Variants in SLIT2 observed in about 807,000 individuals in gnomAD.
The protein encoded by SLIT2 is slit guidance ligand 2.
In SLIT2, 41 loss-of-function variants were observed where a neutral mutation model predicts 185.7. That is an observed-to-expected ratio of 0.22 (90% CI 0.17 to 0.29). The LOEUF (loss-of-function observed/expected upper bound fraction) is 0.29, where lower values mean the gene tolerates loss of function less well. SLIT2 is among the 10% of genes least tolerant of loss of function. SLIT2 has a pLI of 1.00. For synonymous variants in SLIT2, 693 were observed against 680.2 expected (o/e 1.02, Z -0.29); for missense variants, 1,571 against 1,909.0 (o/e 0.82, Z 3.30).
At chr4:20,277,081 A>G (rs1220576631) in intron 4 of SLIT2, among the ~76,000 whole-genome samples, 1 of 152,138 alleles carries the variant, frequency 6.6e-6, no homozygotes, top group Admixed American at 6.6e-5. Context: ...GTGTTGTGGG[A>G]ACTTGGTTCA....
At chr4:20,586,975 G>GT (rs1727115260) in intron 29 of SLIT2, among the ~76,000 whole-genome samples, 1 of 151,920 alleles carries the variant, frequency 6.6e-6, no homozygotes, top group African/African-American at 2.4e-5. Flanking sequence ...TGCAGAAAAT[G>GT]TTTTTGTAAT....
intron 4 of SLIT2, among the ~76,000 whole-genome samples, chr4:20,338,907 C>T (rs1439930602): frequency 2.0e-5 from 3 of 151,642 alleles, no homozygotes; most frequent in Non-Finnish European, 2.9e-5. Flanking sequence ...GCCTGGGAAA[C>T]AGAGAGAGAT....
chr4:20,257,633 C>T (rs1206963102), intron 2 of SLIT2, among the ~76,000 whole-genome samples: 1 of 152,058 alleles, frequency 6.6e-6, no homozygotes, highest in Non-Finnish European at 1.5e-5. Context: ...AGAGTTTTGA[C>T]CAGTAAATCT....
intron 4 of SLIT2, among the ~76,000 whole-genome samples, chr4:20,456,710 GT>G (rs1474190726): frequency 6.6e-6 from 1 of 152,008 alleles, no homozygotes; most frequent in Non-Finnish European, 1.5e-5. Flanking sequence ...TTATTTCCTG[GT>G]TAGTATCCAT....
chr4:20,361,773 T>A (rs1722761921), intron 4 of SLIT2, among the ~76,000 whole-genome samples: 1 of 151,700 alleles, frequency 6.6e-6, no homozygotes, highest in Non-Finnish European at 1.5e-5. Flanking sequence ...TCTAAGTATA[T>A]TTTATTTTTA....
At chr4:20,600,161 T>A (rs554960519) in intron 33 of SLIT2, among the ~76,000 whole-genome samples, 66 of 152,264 alleles carry the variant, frequency 4.3e-4, no homozygotes, top group Middle Eastern at 3.4e-3. Flanking sequence ...AATTTTTTTT[T>A]AATTTATTTT....
chr4:20,286,808 A>G (rs1468585411), intron 4 of SLIT2, among the ~76,000 whole-genome samples: 1 of 152,214 alleles, frequency 6.6e-6, no homozygotes, highest in Non-Finnish European at 1.5e-5. Context: ...TCTCTAAGTA[A>G]ATAAATATAG....
chr4:20,421,285 T>G (rs1217048178), intron 4 of SLIT2, among the ~76,000 whole-genome samples: 1 of 152,186 alleles, frequency 6.6e-6, no homozygotes, highest in Non-Finnish European at 1.5e-5. Context: ...TGAAAGTGAC[T>G]TTAGTCTGAT....
At chr4:20,486,491 T>TA (rs534832210) in intron 7 of SLIT2, among the ~76,000 whole-genome samples, 19 of 150,960 alleles carry the variant, frequency 1.3e-4, no homozygotes, top group East Asian at 7.8e-4. Flanking sequence ...ACTTTGGAGT[T>TA]AAAAAAAAAC....
At chr4:20,586,859 G>A (rs953232247) in intron 29 of SLIT2, among the ~76,000 whole-genome samples, 11 of 152,206 alleles carry the variant, frequency 7.2e-5, no homozygotes, top group African/African-American at 2.2e-4. Flanking sequence ...GAAACCATTA[G>A]CCCTGGCATG....
rs1560323090 is a variant in SLIT2 at position 20,330,200 on chromosome 4, T to G, written c.395+61319T>G. 2.6e-5 allele frequency among the ~76,000 whole-genome samples: 4 copies of G among 152,102 alleles called. No individual in the cohort carries two copies. In the South Asian group the frequency reaches 6.2e-4, roughly 24 times the overall value. On this transcript the variant is annotated intron_variant, in intron 4 of 36. Transcript: ENST00000504154. ...GGTTTTTTTTCTTTATCAACTGGTA[T>G]GTAGATTTTTCTTTTCAACTAGTTT...
chr4:20,441,628 A>G (rs1377153859), intron 4 of SLIT2, among the ~76,000 whole-genome samples: 1 of 151,724 alleles, frequency 6.6e-6, no homozygotes, highest in Non-Finnish European at 1.5e-5. Flanking sequence ...ACATACCCAT[A>G]GTCAGCACCC....
rs1727345076 is a variant in SLIT2 at position 20,589,673 on chromosome 4, T to A, written c.3118T>A (p.Cys1040Ser). ...GTTGTGTGAGGAGAAGCTGGACTTCTGTGCCCAGGACCTGAACCCCTGCCA... is the reference window on the plus strand; with the variant it reads ...GTTGTGTGAGGAGAAGCTGGACTTCAGTGCCCAGGACCTGAACCCCTGCCA... ...GELCEEKLDF[C>S]AQDLNPCQHD... The change falls in exon 30 of 37, where the codon TGT becomes AGT. Residue 1040 changes from cysteine (C) to serine (S), a missense_variant. Cys to Ser is a moderately radical substitution (Grantham distance 112). Around this residue, in one of 3 missense-constraint regions of SLIT2, gnomAD observed 1,202 missense variants for 1,416.4 expected, o/e 0.85. Coordinates refer to ENST00000504154, the MANE Select transcript of SLIT2 (RefSeq NM_004787.4). 6.2e-7 allele frequency: 1 copy of A among 1,614,028 alleles called. No homozygotes were observed. Among genetic ancestry groups the A allele is most frequent in the Non-Finnish European group, 8.5e-7 (1 of 1,179,964 alleles).
intron 5 of SLIT2, among the ~76,000 whole-genome samples, chr4:20,473,693 C>T (rs565761858): frequency 1.3e-5 from 2 of 152,110 alleles, no homozygotes; most frequent in Non-Finnish European, 2.9e-5. Flanking sequence ...CATATTTCAT[C>T]ATATTTTTAA....
At chr4:20,319,534 TA>T (rs1718872893) in intron 4 of SLIT2, among the ~76,000 whole-genome samples, 1 of 152,134 alleles carries the variant, frequency 6.6e-6, no homozygotes, top group Non-Finnish European at 1.5e-5. Context: ...AGTGTAACAA[TA>T]ATAGCACTTG....
chr4:20,462,496 T>C (rs1190315923), intron 4 of SLIT2, among the ~76,000 whole-genome samples: 1 of 152,174 alleles, frequency 6.6e-6, no homozygotes, highest in Non-Finnish European at 1.5e-5. Context: ...AAGTTCTCCC[T>C]GAGATGACCC....
chr4:20,589,847 G>GA (rs1727358927), intron 30 of SLIT2, 110 bp downstream of exon 30: 6 of 682,398 alleles, frequency 8.8e-6, no homozygotes, highest in Admixed American at 4.9e-5. Context: ...GGATTAAAGG[G>GA]ACCTATTCAC....
chr4:20,350,335 A>G (rs1390830707), intron 4 of SLIT2, among the ~76,000 whole-genome samples: 2 of 151,936 alleles, frequency 1.3e-5, no homozygotes, highest in African/African-American at 4.8e-5. Context: ...ACCCAATTTT[A>G]AAAATAACTT....
At chr4:20,562,892 T>C (rs1724809754) in intron 26 of SLIT2, among the ~76,000 whole-genome samples, 3 of 151,862 alleles carry the variant, frequency 2.0e-5, no homozygotes, top group Admixed American at 1.3e-4. Flanking sequence ...TTGACCCATG[T>C]TTCCAAGGGA....
Sources: allele counts gnomAD v4.1 joint callset (sites outside exome capture counted in the v4.1 genomes callset), GRCh38; gene constraint gnomAD v4.1.1; regional missense constraint gnomAD v4.1.1; transcripts MANE v1.5; gene names NCBI Gene and HGNC (gene_info 2026-07-23, HGNC 2026-07-21).